Variants in TLE4 observed in about 807,000 individuals in gnomAD.
The protein encoded by TLE4 is transducin-like enhancer protein 4.
A neutral mutation model predicts 92.8 loss-of-function variants in TLE4; 8 were observed. That is an observed-to-expected ratio of 0.09 (90% CI 0.05 to 0.16). The LOEUF (loss-of-function observed/expected upper bound fraction) is 0.16. Among genes scored for constraint, TLE4 ranks in the 10% least tolerant of loss-of-function variants. The pLI, the probability that TLE4 is intolerant of heterozygous loss-of-function variation, is 1.00. For missense variants in TLE4, 675 were observed against 997.6 expected (o/e 0.68, Z 4.36); for synonymous variants, 371 against 374.1 (o/e 0.99, Z 0.10).
At chr9:79,608,141 G>A (rs1295280058) in intron 4 of TLE4, among the ~76,000 whole-genome samples, 1 of 151,982 alleles carries the variant, frequency 6.6e-6, no homozygotes, top group African/African-American at 2.4e-5. Flanking sequence ...AGTTTTATGT[G>A]TTACATGTTA....
At chr9:79,710,511 G>T (rs187652741) in intron 14 of TLE4, among the ~76,000 whole-genome samples, 1 of 152,132 alleles carries the variant, frequency 6.6e-6, no homozygotes, top group African/African-American at 2.4e-5. Flanking sequence ...TACACATGCC[G>T]TGTATGTGCT....
chr9:79,578,627 C>T (rs780174997), intron 4 of TLE4, among the ~76,000 whole-genome samples: 5 of 152,084 alleles, frequency 3.3e-5, no homozygotes, highest in Non-Finnish European at 7.4e-5. Context: ...TGATAGAGAA[C>T]TATAAAATGA....
At chr9:79,695,380 T>A (rs913919128) in intron 8 of TLE4, among the ~76,000 whole-genome samples, 1 of 151,362 alleles carries the variant, frequency 6.6e-6, no homozygotes. Context: ...CACACACCAC[T>A]GTTCTTGTAT....
chr9:79,595,610 A>T (rs901836214), intron 4 of TLE4, among the ~76,000 whole-genome samples: 1 of 152,160 alleles, frequency 6.6e-6, no homozygotes, highest in Non-Finnish European at 1.5e-5. Flanking sequence ...CCTAAAAAAT[A>T]AAAAAGTAAA....
At chr9:79,603,993 G>A (rs2046269533) in intron 4 of TLE4, among the ~76,000 whole-genome samples, 1 of 152,170 alleles carries the variant, frequency 6.6e-6, no homozygotes, top group Non-Finnish European at 1.5e-5. Context: ...CAGGTGATTA[G>A]TATGTGCATT....
At chr9:79,680,943 T>A (rs7866469) in intron 8 of TLE4, among the ~76,000 whole-genome samples, 135,618 of 152,126 alleles carry the variant, frequency 0.89, 60,457 homozygotes, top group African/African-American at 0.91. Flanking sequence ...TGATTTGCGT[T>A]TGTTGAACCA....
chr9:79,700,978 T>C (rs889260348), intron 8 of TLE4, among the ~76,000 whole-genome samples: 1 of 152,176 alleles, frequency 6.6e-6, no homozygotes, highest in Non-Finnish European at 1.5e-5. Flanking sequence ...TTGAGAAATA[T>C]CTAAATTGAG....
intron 8 of TLE4, among the ~76,000 whole-genome samples, chr9:79,675,985 T>C (rs1180056145): frequency 6.6e-6 from 1 of 152,176 alleles, no homozygotes; most frequent in Admixed American, 6.6e-5. Flanking sequence ...TTTTGGACTT[T>C]GGATTTCAGA....
chr9:79,664,247 A>G (rs1381951955), intron 8 of TLE4, among the ~76,000 whole-genome samples: 1 of 152,220 alleles, frequency 6.6e-6, no homozygotes, highest in Non-Finnish European at 1.5e-5. Context: ...GCGGGATGTT[A>G]TTAGCTTACT....
chr9:79,683,366 C>G (rs1172088327), intron 8 of TLE4, among the ~76,000 whole-genome samples: 1 of 152,088 alleles, frequency 6.6e-6, no homozygotes, highest in Non-Finnish European at 1.5e-5. Context: ...GGAAGAAACT[C>G]TTAGGTAGAA....
At position 79,620,220 on chromosome 9, in the gene TLE4, G is replaced by A. The variant is rs184729140; in HGVS notation, c.316-7154G>A. Among the ~76,000 whole-genome samples the A allele has an allele frequency of 3.9e-5, 6 of 152,344 alleles. No homozygotes were observed. In the East Asian group the frequency reaches 1.2e-3, roughly 29 times the overall value. On this transcript the variant is annotated intron_variant, in intron 5 of 19. Coordinates refer to ENST00000376552, the MANE Select transcript of TLE4 (RefSeq NM_007005.6). ...GGAGCTAAGTTTGAAGGTACCTTGA[G>A]TAGAGCTGCATTGTCCAATACAGTA... is the stretch of plus-strand genomic sequence containing the variant.
rs567585085 is a variant in TLE4 at position 79,716,638 on chromosome 9, C to T, written c.1341-2084C>T. On this transcript the variant is annotated intron_variant, in intron 14 of 19. Transcript: ENST00000376552. ...TAGCACGCTTTCTTGCTCTGGCCTT[C>T]GAATTTGCCATATTCCTAATCATCA... 5.3e-5 allele frequency among the ~76,000 whole-genome samples: 8 copies of T among 152,264 alleles called. No individual in the cohort carries two copies. In the East Asian group the frequency reaches 5.8e-4, roughly 11 times the overall value.
chr9:79,637,224 G>C (rs1361696755), intron 6 of TLE4, among the ~76,000 whole-genome samples: 2 of 152,160 alleles, frequency 1.3e-5, no homozygotes, highest in Non-Finnish European at 2.9e-5. Flanking sequence ...AAATATAGTA[G>C]ATGTTATTGA....
At chr9:79,614,729 C>T (rs183284135) in intron 5 of TLE4, among the ~76,000 whole-genome samples, 169 of 152,264 alleles carry the variant, frequency 1.1e-3, no homozygotes, top group Non-Finnish European at 1.8e-3. Flanking sequence ...CCACATGTGG[C>T]CCAGGATAGC....
chr9:79,666,143 ATC>A (rs2061348487), intron 8 of TLE4, among the ~76,000 whole-genome samples: 1 of 147,394 alleles, frequency 6.8e-6, no homozygotes, highest in African/African-American at 2.5e-5. Flanking sequence ...ATGAGTATGA[ATC>A]TCTGCTGTTT....
At chr9:79,659,171 G>A (rs965986509) in intron 8 of TLE4, among the ~76,000 whole-genome samples, 5 of 152,142 alleles carry the variant, frequency 3.3e-5, no homozygotes, top group Non-Finnish European at 2.9e-5. Flanking sequence ...AGCCAGCGCC[G>A]CCCTCAAAGG....
At chr9:79,718,611 G>T in intron 14 of TLE4, 111 bp from the exon 15 acceptor site, 1 of 1,408,844 alleles carries the variant, frequency 7.1e-7, no homozygotes, top group Non-Finnish European at 9.5e-7. Context: ...CGATTTGTTC[G>T]TAAATCACAA....
chr9:79,704,586 G>T, intron 8 of TLE4, 197 bp from the exon 9 acceptor site: 38 of 590,320 alleles, frequency 6.4e-5, no homozygotes, highest in South Asian at 1.2e-4. Flanking sequence ...TTTCCCCCTT[G>T]TCTTTTGCTA....
chr9:79,706,652 C>T, intron 10 of TLE4, 95 bp from the exon 11 acceptor site: 1 of 1,432,996 alleles, frequency 7.0e-7, no homozygotes, highest in Non-Finnish European at 9.4e-7. Flanking sequence ...TCTAAGCATG[C>T]ATTAAATGCT....
Sources: allele counts gnomAD v4.1 joint callset (sites outside exome capture counted in the v4.1 genomes callset), GRCh38; gene constraint gnomAD v4.1.1; transcripts MANE v1.5; gene names NCBI Gene and HGNC (gene_info 2026-07-23, HGNC 2026-07-21).